Variants in CCM2 observed in about 807,000 individuals in gnomAD.
CCM2 encodes the protein cerebral cavernous malformations 2 protein.
CCM2 carries 25 observed loss-of-function variants against 44.9 expected under a neutral mutation model. The ratio of observed to expected loss-of-function variants is 0.56; its 90% CI spans 0.41 to 0.78. The LOEUF (loss-of-function observed/expected upper bound fraction) is 0.78. CCM2 is among the 30% of genes least tolerant of loss of function. The pLI, the probability that CCM2 is intolerant of heterozygous loss-of-function variation, is 0.00. For synonymous variants in CCM2, 219 were observed against 241.1 expected, an observed-to-expected ratio of 0.91 and a Z score of 0.85; for missense variants, 481 against 580.6, an observed-to-expected ratio of 0.83 and a Z score of 1.76.
intron 4 of CCM2, chr7:45,068,220 A>G (rs1442347201): frequency 1.8e-5 from 11 of 615,288 alleles, no homozygotes; most frequent in Non-Finnish European, 2.9e-5. Flanking sequence ...GCAGGATGAC[A>G]TGCAGCTCTG....
At chr7:45,005,749 C>A (rs1251582762) in intron 1 of CCM2, among the ~76,000 whole-genome samples, 2 of 152,164 alleles carry the variant, frequency 1.3e-5, no homozygotes, top group African/African-American at 4.8e-5. Context: ...AGGTCACTTA[C>A]ACCTAAAATT....
chr7:45,037,664 C>T (rs1797290014), intron 1 of CCM2, among the ~76,000 whole-genome samples: 4 of 152,058 alleles, frequency 2.6e-5, no homozygotes, highest in Non-Finnish European at 5.9e-5. Context: ...GTGATGTACC[C>T]GCCTCAGCCT....
intron 2 of CCM2, among the ~76,000 whole-genome samples, chr7:45,052,623 A>G (rs1468641538): frequency 6.6e-6 from 1 of 152,224 alleles, no homozygotes; most frequent in African/African-American, 2.4e-5. Flanking sequence ...TGTTTACCGC[A>G]TCAGTAGCTA....
At chr7:45,005,053 C>T (rs1044950291) in intron 1 of CCM2, among the ~76,000 whole-genome samples, 1 of 150,662 alleles carries the variant, frequency 6.6e-6, no homozygotes, top group Non-Finnish European at 1.5e-5. Context: ...ATAACTGTCA[C>T]AAGCCATACT....
intron 2 of CCM2, among the ~76,000 whole-genome samples, chr7:45,054,985 A>G (rs1426534713): frequency 6.6e-6 from 1 of 152,222 alleles, no homozygotes; most frequent in Non-Finnish European, 1.5e-5. Context: ...TTGTTTTCCT[A>G]CTATAAATAT....
At chr7:45,045,017 A>C (rs1797685456) in intron 2 of CCM2, among the ~76,000 whole-genome samples, 1 of 152,220 alleles carries the variant, frequency 6.6e-6, no homozygotes. Context: ...TGGTGAAATT[A>C]TTTGTGGCCT....
intron 1 of CCM2, among the ~76,000 whole-genome samples, chr7:45,019,352 C>T (rs1796392370): frequency 6.6e-6 from 1 of 152,008 alleles, no homozygotes; most frequent in Non-Finnish European, 1.5e-5. Flanking sequence ...CAGGAATGAG[C>T]CACCGCACCT....
chr7:45,073,946 T>C (rs1799215337), intron 8 of CCM2: 1 of 529,246 alleles, frequency 1.9e-6, no homozygotes, highest in African/African-American at 1.9e-5. Flanking sequence ...TGTGCCTGTG[T>C]GTAGCCTAAG....
At chr7:45,020,789 T>C (rs1044488996) in intron 1 of CCM2, among the ~76,000 whole-genome samples, 1 of 152,214 alleles carries the variant, frequency 6.6e-6, no homozygotes, top group African/African-American at 2.4e-5. Context: ...AAAAATACAT[T>C]TGTATCTCAG....
intron 4 of CCM2, among the ~76,000 whole-genome samples, chr7:45,065,326 T>G (rs2128748182): frequency 6.6e-6 from 1 of 152,274 alleles, no homozygotes; most frequent in Non-Finnish European, 1.5e-5. Context: ...CTACCTGTAT[T>G]TTGCCCCTCC....
chr7:45,003,169 G>A (rs1795714744), intron 1 of CCM2, among the ~76,000 whole-genome samples: 3 of 152,022 alleles, frequency 2.0e-5, no homozygotes, highest in African/African-American at 4.8e-5. Flanking sequence ...TCCGCCTCCC[G>A]GGTTCAGGTG....
intron 1 of CCM2, among the ~76,000 whole-genome samples, chr7:45,030,617 G>A (rs951591889): frequency 6.6e-6 from 1 of 152,134 alleles, no homozygotes; most frequent in African/African-American, 2.4e-5. Flanking sequence ...GTCTCGCTAT[G>A]TTGTCCAGGC....
At chr7:45,045,069 A>G (rs1797687809) in intron 2 of CCM2, among the ~76,000 whole-genome samples, 1 of 152,224 alleles carries the variant, frequency 6.6e-6, no homozygotes, top group Non-Finnish European at 1.5e-5. Context: ...ATCTTATCAG[A>G]TACCTTTACA....
At chr7:45,075,434 G>A (rs1012799073) in intron 9 of CCM2, among the ~76,000 whole-genome samples, 1 of 152,260 alleles carries the variant, frequency 6.6e-6, no homozygotes, top group African/African-American at 2.4e-5. Context: ...TTTCCCCACT[G>A]TAAAATGGGT....
chr7:45,026,789 G>A (rs1796708581), intron 1 of CCM2, among the ~76,000 whole-genome samples: 1 of 151,942 alleles, frequency 6.6e-6, no homozygotes, highest in African/African-American at 2.4e-5. Context: ...TTTCAGTAGA[G>A]ACGGGGTTTC....
rs773187380 is a variant in CCM2, at chr7:45,000,368, G to T, written c.30+5G>T. 33 of 1,300,798 alleles carry T rather than the reference G, an allele frequency of 2.5e-5. No homozygotes were observed. The highest frequency in any genetic ancestry group is 8.9e-6 in the Non-Finnish European group (9 of 1,016,682). 80.6% of individuals were successfully genotyped at this position (1,300,798 alleles called of 1,614,324 possible). A position where few individuals can be genotyped will look rare whatever the true frequency, so the allele number is the denominator to read the frequency against. On this transcript the variant is annotated splice_donor_5th_base_variant and intron_variant, in intron 1 of 9. Coordinates refer to ENST00000258781, the MANE Select transcript of CCM2 (RefSeq NM_031443.4). ...GAGGGCAAGAAGGGCAAGAAGGTGA[G>T]CGTGCGCGGGGGCGTCCTACTGCTG...
chr7:45,044,470 TC>T (rs1198389510), intron 2 of CCM2, among the ~76,000 whole-genome samples: 1 of 152,148 alleles, frequency 6.6e-6, no homozygotes, highest in Non-Finnish European at 1.5e-5. Flanking sequence ...CTGAGTTCCA[TC>T]TATAGCCCAC....
At chr7:45,010,083 T>A (rs1180664304) in intron 1 of CCM2, among the ~76,000 whole-genome samples, 2 of 152,094 alleles carry the variant, frequency 1.3e-5, no homozygotes, top group African/African-American at 4.8e-5. Flanking sequence ...CTAATTTTTT[T>A]TATTTTTTGT....
At chr7:45,068,868 C>G (rs897207790) in intron 5 of CCM2, among the ~76,000 whole-genome samples, 3 of 152,250 alleles carry the variant, frequency 2.0e-5, no homozygotes, top group Non-Finnish European at 4.4e-5. Flanking sequence ...GTTCCCACCC[C>G]TGTGCCTTCT....
Sources: allele counts gnomAD v4.1 joint callset (sites outside exome capture counted in the v4.1 genomes callset), GRCh38; gene constraint gnomAD v4.1.1; transcripts MANE v1.5; gene names NCBI Gene and HGNC (gene_info 2026-07-23, HGNC 2026-07-21).